RBFOX1: variants seen among roughly 807,000 people sequenced by gnomAD.
The protein encoded by RBFOX1 is RNA binding fox-1 homolog 1, also known as RNA binding protein fox-1 homolog 1.
Under a neutral mutation model 57.7 loss-of-function variants are expected in RBFOX1, and 8 were observed. The observed-to-expected ratio is 0.14, with a 90% CI of 0.08 to 0.25. The LOEUF (loss-of-function observed/expected upper bound fraction) is 0.25, where lower values mean the gene tolerates loss of function less well. RBFOX1 is among the 10% of genes least tolerant of loss of function. The pLI is 1.00. For missense variants in RBFOX1, 611 were observed against 548.5 expected, an observed-to-expected ratio of 1.11 and a Z score of -1.14; for synonymous variants, 326 against 222.4, an observed-to-expected ratio of 1.47 and a Z score of -4.15.
At chr16:5,593,983 C>T (rs2047098326) in intron 2 of RBFOX1, among the ~76,000 whole-genome samples, 8 of 152,022 alleles carry the variant, frequency 5.3e-5, no homozygotes, top group Admixed American at 4.6e-4. Context: ...ATACACCACC[C>T]CCATCCTGCC....
chr16:6,425,411 G>T (rs2093896792), intron 2 of RBFOX1, among the ~76,000 whole-genome samples: 1 of 152,138 alleles, frequency 6.6e-6, no homozygotes, highest in South Asian at 2.1e-4. Context: ...AAAAATGGCA[G>T]TAGTGTTCAA....
intron 4 of RBFOX1, among the ~76,000 whole-genome samples, chr16:7,404,233 A>G (rs1316176881): frequency 1.3e-5 from 2 of 151,762 alleles, no homozygotes; most frequent in African/African-American, 4.8e-5. Context: ...TTGTATTTTT[A>G]GTACAGACGG....
intron 3 of RBFOX1, among the ~76,000 whole-genome samples, chr16:6,963,771 T>C (rs2083496765): frequency 1.3e-5 from 2 of 152,082 alleles, no homozygotes; most frequent in African/African-American, 2.4e-5. Flanking sequence ...CGATCTCGGC[T>C]CACTGCAAGC....
At chr16:5,941,178 C>T (rs758971192) in intron 4 of RBFOX1, among the ~76,000 whole-genome samples, 5 of 151,852 alleles carry the variant, frequency 3.3e-5, no homozygotes, top group African/African-American at 9.7e-5. Flanking sequence ...AAAGTCACTA[C>T]AATAATGTAG....
At chr16:6,848,454 G>A (rs2093885381) in intron 3 of RBFOX1, among the ~76,000 whole-genome samples, 1 of 152,110 alleles carries the variant, frequency 6.6e-6, no homozygotes, top group Non-Finnish European at 1.5e-5. Context: ...TGGCCAGCAG[G>A]CACCCGATTG....
chr16:7,216,022 C>G (rs556830526), intron 4 of RBFOX1, among the ~76,000 whole-genome samples: 2 of 152,274 alleles, frequency 1.3e-5, no homozygotes, highest in South Asian at 4.1e-4. Context: ...CGCGCCCAGC[C>G]TGGATGTTTT....
chr16:7,443,521 A>C (rs1386031335), intron 4 of RBFOX1, among the ~76,000 whole-genome samples: 1 of 151,766 alleles, frequency 6.6e-6, no homozygotes, highest in Admixed American at 6.6e-5. Flanking sequence ...GCCAGATATG[A>C]ACCCAACAAC....
chr16:7,654,841 A>G (rs4080132), intron 12 of RBFOX1, among the ~76,000 whole-genome samples: 80,528 of 151,972 alleles, frequency 0.53, 22,498 homozygotes, highest in Non-Finnish European at 0.62. Context: ...GAGAGATGCT[A>G]TGTCCTCTAT....
intron 2 of RBFOX1, among the ~76,000 whole-genome samples, chr16:6,414,382 C>T (rs1041492561): frequency 3.3e-5 from 5 of 152,266 alleles, no homozygotes; most frequent in Admixed American, 6.5e-5. Context: ...ATGTATTTCC[C>T]GGGCACCTAC....
chr16:5,822,898 C>G (rs1010512088), intron 3 of RBFOX1, among the ~76,000 whole-genome samples: 5 of 152,212 alleles, frequency 3.3e-5, no homozygotes, highest in African/African-American at 9.7e-5. Context: ...TCTGAGGCCT[C>G]TGTCTTGCCA....
At chr16:5,777,163 CA>C (rs373241830) in intron 3 of RBFOX1, among the ~76,000 whole-genome samples, 1 of 152,276 alleles carries the variant, frequency 6.6e-6, no homozygotes, top group East Asian at 1.9e-4. Flanking sequence ...CCAAAATCAG[CA>C]AGGTTGTTTT....
In RBFOX1 at chr16:6,019,771, C is replaced by T; in HGVS notation, c.-348C>T. On this transcript the variant is annotated 5_prime_UTR_variant, in exon 1 of 16. Transcript: ENST00000550418. The surrounding 1 kb of genome is among the most constrained non-coding windows in gnomAD (Gnocchi z 4.2). ...TGCGCTCCAGACCCCCACCCAGTGG[C>T]CGCCAGGGTCCCCGCCTGTCCGGAC... 2.1e-6 allele frequency: 3 copies of T among 1,407,788 alleles called. No homozygotes were observed. Among genetic ancestry groups the T allele is most frequent in the Non-Finnish European group, 2.8e-6 (3 of 1,080,018 alleles). 87.2% of individuals were successfully genotyped at this position (1,407,788 alleles called of 1,614,324 possible). A position where few individuals can be genotyped will look rare whatever the true frequency, so the allele number is the denominator to read the frequency against.
At chr16:7,510,071 C>A in intron 4 of RBFOX1, 1 of 899,960 alleles carries the variant, frequency 1.1e-6, no homozygotes, top group Non-Finnish European at 1.3e-6. Context: ...ATTGATGGGC[C>A]AGGCCTTCCT....
intron 11 of RBFOX1, among the ~76,000 whole-genome samples, chr16:7,641,322 G>C (rs1432777765): frequency 6.6e-6 from 1 of 152,168 alleles, no homozygotes; most frequent in Non-Finnish European, 1.5e-5. Context: ...AAAGAGCCTG[G>C]TGTAGTTCAT....
At position 7,061,613 on chromosome 16, in the gene RBFOX1, A is replaced by T. The variant is rs1247278545; in HGVS notation, c.27+9515A>T. 2.6e-5 allele frequency among the ~76,000 whole-genome samples: 4 copies of T among 152,206 alleles called. 1 individual carries two copies. The highest frequency in any genetic ancestry group is 2.0e-4 in the Admixed American group (3 of 15,280). On this transcript the variant is annotated intron_variant, in intron 4 of 15. Transcript: ENST00000550418. ...ATTTAGGATATTTGGCCTAATATTCATTCTCCCTTTCCCTTGCTTTAATTT... is the reference window on the plus strand; with the variant it reads ...ATTTAGGATATTTGGCCTAATATTCTTTCTCCCTTTCCCTTGCTTTAATTT...
At chr16:6,780,096 T>C (rs1603621381) in intron 3 of RBFOX1, among the ~76,000 whole-genome samples, 1 of 49,480 alleles carries the variant, frequency 2.0e-5, no homozygotes, top group Admixed American at 4.3e-4. Context: ...TATATTTATA[T>C]ATTTTTATAT....
At position 6,785,526 on chromosome 16, in the gene RBFOX1, C is replaced by G. The variant is rs1394817059; in HGVS notation, c.-16+130876C>G. On this transcript the variant is annotated intron_variant, in intron 3 of 15. Transcript: ENST00000550418. ...TCCATCCTACCTTCCCCAAAGCACA[C>G]TCAGCAGTAGTTCCTCTTACCACTT... 3.3e-5 allele frequency among the ~76,000 whole-genome samples: 5 copies of G among 152,162 alleles called. No individual in the cohort carries two copies. The East Asian group carries it at 9.6e-4, about 29-fold the overall frequency.
At chr16:6,956,734 C>T (rs1017014105) in intron 3 of RBFOX1, among the ~76,000 whole-genome samples, 2 of 152,208 alleles carry the variant, frequency 1.3e-5, no homozygotes, top group African/African-American at 2.4e-5. Context: ...TTAATATCAT[C>T]TTCGATGGTC....
intron 4 of RBFOX1, among the ~76,000 whole-genome samples, chr16:7,267,755 C>T (rs552150798): frequency 1.3e-5 from 2 of 152,114 alleles, no homozygotes; most frequent in South Asian, 2.1e-4. Context: ...ACTTGGGAGG[C>T]TGAGGTGGGA....
Sources: allele counts gnomAD v4.1 joint callset (sites outside exome capture counted in the v4.1 genomes callset), GRCh38; gene constraint gnomAD v4.1.1; non-coding constraint Gnocchi (gnomAD v3.1); transcripts MANE v1.5; gene names NCBI Gene and HGNC (gene_info 2026-07-23, HGNC 2026-07-21).